Variants in PCDH15 observed in about 807,000 individuals in gnomAD.
The protein encoded by PCDH15 is protocadherin-15.
PCDH15 carries 129 observed loss-of-function variants against 178.5 expected under a neutral mutation model. The observed-to-expected ratio is 0.72, with a 90% confidence interval of 0.63 to 0.84. The LOEUF is 0.84. Ranked by LOEUF, PCDH15 falls within the 40% of genes least tolerant of loss-of-function variation. The pLI, the probability that PCDH15 is intolerant of heterozygous loss-of-function variation, is 0.00. For synonymous variants in PCDH15, 800 were observed against 732.0 expected, an observed-to-expected ratio of 1.09 and a Z score of -1.50; for missense variants, 2,230 against 2,099.9, an observed-to-expected ratio of 1.06 and a Z score of -1.21.
intron 6 of PCDH15, among the ~76,000 whole-genome samples, chr10:54,334,467 G>A (rs1006644136): frequency 6.6e-6 from 1 of 152,150 alleles, no homozygotes; most frequent in Non-Finnish European, 1.5e-5. Flanking sequence ...TCTCTGAAAG[G>A]AGGTGTTGAA....
At chr10:55,015,414 A>G (rs1312349991) in intron 2 of PCDH15, among the ~76,000 whole-genome samples, 1 of 151,996 alleles carries the variant, frequency 6.6e-6, no homozygotes, top group Non-Finnish European at 1.5e-5. Context: ...ACGCAGACAT[A>G]CTTTTATAAA....
intron 3 of PCDH15, among the ~76,000 whole-genome samples, chr10:54,502,489 T>C (rs1026308105): frequency 2.6e-5 from 4 of 152,118 alleles, no homozygotes; most frequent in African/African-American, 9.7e-5. Context: ...TACTTACGCA[T>C]CTTTTTCTGC....
chr10:54,174,840 T>C (rs1271602184), intron 13 of PCDH15, among the ~76,000 whole-genome samples: 5 of 151,252 alleles, frequency 3.3e-5, no homozygotes, highest in Non-Finnish European at 2.9e-5. Context: ...GTTTCTTAGA[T>C]TGGGGAATAT....
At chr10:54,815,649 A>G (rs986034371) in intron 3 of PCDH15, among the ~76,000 whole-genome samples, 1 of 152,072 alleles carries the variant, frequency 6.6e-6, no homozygotes, top group African/African-American at 2.4e-5. Context: ...GAATAACACC[A>G]TGGGACCCAT....
At chr10:54,747,954 C>T (rs1277177540) in intron 1 of PCDH15, among the ~76,000 whole-genome samples, 1 of 151,954 alleles carries the variant, frequency 6.6e-6, no homozygotes, top group African/African-American at 2.4e-5. Context: ...TACAGGCGCC[C>T]GCCACCACGC....
chr10:54,459,753 C>T (rs1305424614), intron 3 of PCDH15, among the ~76,000 whole-genome samples: 4 of 152,086 alleles, frequency 2.6e-5, no homozygotes, highest in Non-Finnish European at 5.9e-5. Context: ...TATTCCAGTG[C>T]TCAGATGAAG....
chr10:54,108,722 G>C (rs1360712318), intron 15 of PCDH15, among the ~76,000 whole-genome samples: 1 of 152,116 alleles, frequency 6.6e-6, no homozygotes, highest in Non-Finnish European at 1.5e-5. Context: ...CACAGGTCAG[G>C]GGGATACTCT....
At chr10:53,986,619 T>C (rs1039565422) in intron 21 of PCDH15, among the ~76,000 whole-genome samples, 1 of 152,200 alleles carries the variant, frequency 6.6e-6, no homozygotes, top group Non-Finnish European at 1.5e-5. Flanking sequence ...ATGTGGTATA[T>C]GCATACAAGT....
At chr10:54,639,016 TA>T (rs2093929324) in intron 2 of PCDH15, among the ~76,000 whole-genome samples, 1 of 152,116 alleles carries the variant, frequency 6.6e-6, no homozygotes, top group Non-Finnish European at 1.5e-5. Flanking sequence ...CAGAGTGATA[TA>T]ATAAACAATA....
chr10:55,433,941 T>C, intron 2 of PCDH15, among the ~76,000 whole-genome samples: 1 of 152,098 alleles, frequency 6.6e-6, no homozygotes, highest in East Asian at 1.9e-4. Context: ...TCCTCATATA[T>C]GTGTGGTTTA....
intron 2 of PCDH15, among the ~76,000 whole-genome samples, chr10:54,983,843 T>C (rs1839300514): frequency 6.6e-6 from 1 of 152,086 alleles, no homozygotes; most frequent in Non-Finnish European, 1.5e-5. Context: ...TCTCCCAAAA[T>C]GTCTCTTCCA....
At chr10:54,989,575 C>A (rs965235898) in intron 2 of PCDH15, among the ~76,000 whole-genome samples, 4 of 152,174 alleles carry the variant, frequency 2.6e-5, no homozygotes, top group Non-Finnish European at 5.9e-5. Context: ...GACTCCCCTG[C>A]TGGATTTTGG....
chr10:54,426,032 A>G (rs1031093862), intron 3 of PCDH15, among the ~76,000 whole-genome samples: 3 of 152,180 alleles, frequency 2.0e-5, no homozygotes, highest in African/African-American at 7.2e-5. Context: ...AATGGGGACT[A>G]GAAACCATGC....
chr10:54,377,631 T>C (rs959608747), intron 4 of PCDH15, among the ~76,000 whole-genome samples: 3 of 152,124 alleles, frequency 2.0e-5, no homozygotes, highest in African/African-American at 7.2e-5. Context: ...GTAAAGTGGA[T>C]CATAAACCCT....
At position 54,068,783 on chromosome 10, in the gene PCDH15, T is replaced by A. The variant is rs181073047; in HGVS notation, c.2092-1898A>T. On this transcript the variant is annotated intron_variant, in intron 17 of 37. Transcript: ENST00000644397. ...TTTTTTGTTATGAGTAGTGGTTACA[T>A]AGGTGTGTTCTCTATGTAAAAATTC... Among the ~76,000 whole-genome samples the A allele has an allele frequency of 7.0e-3, 1,059 of 152,298 alleles. 10 individuals are homozygous for A. The highest frequency in any genetic ancestry group is 0.024 in the African/African-American group (995 of 41,564).
At chr10:54,644,471 T>C (rs1206592060) in intron 2 of PCDH15, among the ~76,000 whole-genome samples, 1 of 151,954 alleles carries the variant, frequency 6.6e-6, no homozygotes, top group Non-Finnish European at 1.5e-5. Flanking sequence ...TTACAATATA[T>C]TCACTCAAGG....
chr10:53,995,335 A>T, intron 21 of PCDH15: 1 of 380,760 alleles, frequency 2.6e-6, no homozygotes, highest in Non-Finnish European at 4.9e-6. Flanking sequence ...ACATAAATTT[A>T]AAACATATCC....
intron 2 of PCDH15, among the ~76,000 whole-genome samples, chr10:54,589,900 C>T (rs1287906097): frequency 2.0e-5 from 3 of 151,938 alleles, no homozygotes; most frequent in African/African-American, 7.3e-5. Flanking sequence ...CCGGCCCGTT[C>T]ATTACGTAAG....
intron 15 of PCDH15, among the ~76,000 whole-genome samples, chr10:54,102,686 C>T (rs866964522): frequency 4.7e-4 from 71 of 152,172 alleles, no homozygotes; most frequent in African/African-American, 1.5e-3. Flanking sequence ...GCCTTTCCTA[C>T]CATAAGAGCC....
Sources: gnomAD v4.1 joint callset for allele counts (sites outside exome capture counted in the v4.1 genomes callset) on GRCh38, gnomAD v4.1.1 for gene constraint, MANE v1.5 for transcripts, NCBI Gene and HGNC (gene_info 2026-07-23, HGNC 2026-07-21) for gene names.